The following GAREM1 variants were observed in gnomAD, a reference collection of about 807,000 sequenced individuals.
GAREM1 encodes GRB2 associated regulator of MAPK1 subtype 1, also known as GRB2-associated and regulator of MAPK protein 1.
GAREM1 carries 26 observed loss-of-function variants against 71.3 expected under a neutral mutation model. The observed-to-expected ratio is 0.36, with a 90% CI of 0.27 to 0.51. The LOEUF (loss-of-function observed/expected upper bound fraction) is 0.51. Among genes scored for constraint, GAREM1 ranks in the 20% least tolerant of loss-of-function variants. The pLI is 0.95. For missense variants in GAREM1, 1,026 were observed against 1,103.1 expected, an observed-to-expected ratio of 0.93 and a Z score of 0.99; for synonymous variants, 440 against 433.2, an observed-to-expected ratio of 1.02 and a Z score of -0.20.
intron 1 of GAREM1, among the ~76,000 whole-genome samples, chr18:32,426,122 A>G (rs1190520900): frequency 6.6e-6 from 1 of 152,024 alleles, no homozygotes; most frequent in East Asian, 1.9e-4. Flanking sequence ...AGGTTCGAGC[A>G]ATTCTCCCGC....
At chr18:32,332,573 G>A (rs561558668) in intron 2 of GAREM1, among the ~76,000 whole-genome samples, 2 of 152,130 alleles carry the variant, frequency 1.3e-5, no homozygotes, top group African/African-American at 2.4e-5. Context: ...GGACAAGGAG[G>A]GCTGTGGAGG....
At chr18:32,323,524 G>A (rs868478360) in intron 2 of GAREM1, among the ~76,000 whole-genome samples, 4 of 152,114 alleles carry the variant, frequency 2.6e-5, no homozygotes, top group African/African-American at 9.7e-5. Flanking sequence ...CCAGGAGTTC[G>A]AGACCAGCCT....
chr18:32,351,216 G>C (rs967497625), intron 2 of GAREM1, among the ~76,000 whole-genome samples: 2 of 152,156 alleles, frequency 1.3e-5, no homozygotes, highest in African/African-American at 4.8e-5. Flanking sequence ...CCAGGCACCA[G>C]ATGAAACACA....
chr18:32,465,296 A>G (rs2048988908), intron 1 of GAREM1, among the ~76,000 whole-genome samples: 1 of 152,224 alleles, frequency 6.6e-6, no homozygotes, highest in African/African-American at 2.4e-5. Flanking sequence ...GATTTTGAGA[A>G]CTTACTTCAA....
At chr18:32,285,335 G>A (rs1343848489) in intron 4 of GAREM1, among the ~76,000 whole-genome samples, 1 of 152,154 alleles carries the variant, frequency 6.6e-6, no homozygotes, top group Admixed American at 6.5e-5. Flanking sequence ...GCTCTTTATG[G>A]ACAGCTAAGC....
chr18:32,416,691 C>T (rs1323173136), intron 1 of GAREM1, among the ~76,000 whole-genome samples: 2 of 152,076 alleles, frequency 1.3e-5, no homozygotes, highest in East Asian at 3.9e-4. Context: ...TGAAACTAGA[C>T]CCTTATCTCT....
At chr18:32,326,180 T>C (rs2047473352) in intron 2 of GAREM1, among the ~76,000 whole-genome samples, 1 of 152,102 alleles carries the variant, frequency 6.6e-6, no homozygotes, top group Non-Finnish European at 1.5e-5. Context: ...ATGCAGAAGG[T>C]ATTCAGGGTG....
intron 1 of GAREM1, among the ~76,000 whole-genome samples, chr18:32,407,032 T>C (rs1202512375): frequency 3.3e-5 from 5 of 152,200 alleles, no homozygotes. Flanking sequence ...AATAATTTTA[T>C]TACTATGCTA....
intron 1 of GAREM1, among the ~76,000 whole-genome samples, chr18:32,446,249 T>TGTGTGTGTGTGTGTGC (rs141510183): frequency 2.1e-4 from 32 of 151,974 alleles, no homozygotes; most frequent in African/African-American, 7.5e-4. Context: ...TGTGTGTGTG[T>TGTGTGTGTGTGTGTGC]GTGTATAACA....
At chr18:32,408,191 C>A (rs1388772282) in intron 1 of GAREM1, among the ~76,000 whole-genome samples, 1 of 152,002 alleles carries the variant, frequency 6.6e-6, no homozygotes, top group Non-Finnish European at 1.5e-5. Context: ...ATTGTAGAGG[C>A]TGTATTACTT....
intron 4 of GAREM1, among the ~76,000 whole-genome samples, chr18:32,271,268 C>T (rs1172321784): frequency 6.6e-6 from 1 of 152,158 alleles, no homozygotes; most frequent in Non-Finnish European, 1.5e-5. Flanking sequence ...TCTTGGCTCA[C>T]TGCAACCTCT....
intron 1 of GAREM1, among the ~76,000 whole-genome samples, chr18:32,453,130 G>A (rs369845074): frequency 5.9e-5 from 9 of 152,026 alleles, no homozygotes; most frequent in Non-Finnish European, 1.0e-4. Flanking sequence ...CACGTCTTAC[G>A]CGGCCGCAGG....
At chr18:32,360,122 G>A in intron 2 of GAREM1, among the ~76,000 whole-genome samples, 1 of 150,108 alleles carries the variant, frequency 6.7e-6, no homozygotes, top group Non-Finnish European at 1.5e-5. Flanking sequence ...TGAAAATTTT[G>A]ACTTTCTGGG....
chr18:32,406,244 G>A (rs1356392960), intron 1 of GAREM1, among the ~76,000 whole-genome samples: 1 of 151,856 alleles, frequency 6.6e-6, no homozygotes, highest in Non-Finnish European at 1.5e-5. Flanking sequence ...TGCCCAGGCT[G>A]GTCTCAAACT....
chr18:32,437,873 A>AT (rs1476035745), intron 1 of GAREM1, among the ~76,000 whole-genome samples: 1 of 152,188 alleles, frequency 6.6e-6, no homozygotes, highest in Non-Finnish European at 1.5e-5. Context: ...TGCTCCTCAC[A>AT]TTCTTAAACT....
intron 2 of GAREM1, among the ~76,000 whole-genome samples, chr18:32,391,507 A>T (rs1001829848): frequency 1.3e-5 from 2 of 152,204 alleles, no homozygotes; most frequent in Admixed American, 1.3e-4. Context: ...AATACAGCAG[A>T]TTAGGTAAAA....
intron 2 of GAREM1, among the ~76,000 whole-genome samples, chr18:32,357,682 C>T (rs903135325): frequency 3.9e-5 from 6 of 152,164 alleles, no homozygotes; most frequent in African/African-American, 7.2e-5. Context: ...CTGTTTTATC[C>T]TTTATAAACT....
At chr18:32,448,887 C>T (rs1380086) in intron 1 of GAREM1, among the ~76,000 whole-genome samples, 6,772 of 152,206 alleles carry the variant, frequency 0.044, 491 homozygotes, top group East Asian at 0.34. Context: ...TTCTGCAGGG[C>T]CCTCATGGTT....
intron 2 of GAREM1, among the ~76,000 whole-genome samples, chr18:32,316,509 G>A (rs1455981216): frequency 6.6e-6 from 1 of 152,172 alleles, no homozygotes; most frequent in African/African-American, 2.4e-5. Flanking sequence ...CTGGAGTGCA[G>A]TGGTACCTTC....
Sources: allele counts gnomAD v4.1 joint callset (sites outside exome capture counted in the v4.1 genomes callset), GRCh38; gene constraint gnomAD v4.1.1; transcripts MANE v1.5; gene names NCBI Gene and HGNC (gene_info 2026-07-23, HGNC 2026-07-21).